Variants in CCDC25 observed in about 807,000 individuals in gnomAD.
CCDC25 encodes the protein coiled-coil domain containing 25.
CCDC25 carries 16 observed loss-of-function variants against 35.3 expected under a neutral mutation model. That is an observed-to-expected ratio of 0.45 (90% confidence interval 0.31 to 0.69). The LOEUF is 0.69. CCDC25 is among the 30% of genes least tolerant of loss of function. The pLI is 0.06. For synonymous variants in CCDC25, 79 were observed against 80.3 expected, an observed-to-expected ratio of 0.98 and a Z score of 0.09; for missense variants, 179 against 250.7, an observed-to-expected ratio of 0.71 and a Z score of 1.93.
chr8:27,762,452 T>C lies in CCDC25; in HGVS notation c.83A>G (p.Asp28Gly). ...YMGKDKYENE[D>G]LIKHGWPEDI... ...TTCAGGCCAGCCATGCTTGATCAGA[T>C]CTTCATCTGCAATGAGATATGAGAA... Residue 28 changes from aspartate to glycine, a missense_variant, in exon 3 of 9, where the codon GAT becomes GGT. By Grantham distance (94) the Asp-to-Gly change is moderately conservative (BLOSUM62 -1). Transcript: ENST00000356537. The C allele has an allele frequency of 6.2e-7, 1 of 1,613,420 alleles. No homozygotes were observed. The highest frequency in any genetic ancestry group is 1.1e-5 in the South Asian group (1 of 90,996).
At chr8:27,746,118 TTTGAA>T (rs748076905) in intron 7 of CCDC25, among the ~76,000 whole-genome samples, 1 of 152,222 alleles carries the variant, frequency 6.6e-6, no homozygotes, top group Non-Finnish European at 1.5e-5. Context: ...TGCAGCTTAA[TTTGAA>T]TTATGACATC....
intron 3 of CCDC25, among the ~76,000 whole-genome samples, chr8:27,757,365 G>A (rs567368643): frequency 8.9e-4 from 135 of 152,270 alleles, no homozygotes; most frequent in Non-Finnish European, 1.7e-3. Context: ...AGCAGAACAC[G>A]TCATTAAATG....
intron 5 of CCDC25, among the ~76,000 whole-genome samples, chr8:27,749,521 G>T (rs896555883): frequency 2.6e-5 from 4 of 152,176 alleles, no homozygotes. Context: ...TCCAGAGGAA[G>T]CATCAGACAA....
intron 2 of CCDC25, chr8:27,764,169 G>A (rs544575865): frequency 2.6e-5 from 4 of 153,140 alleles, no homozygotes; most frequent in African/African-American, 7.2e-5. Context: ...AGACAATGGG[G>A]TGATTTAGAG....
intron 3 of CCDC25, among the ~76,000 whole-genome samples, chr8:27,759,379 G>T (rs1585366775): frequency 6.6e-6 from 1 of 152,122 alleles, no homozygotes; most frequent in Admixed American, 6.5e-5. Flanking sequence ...GGCCGAGGTG[G>T]GTGGATCACT....
At position 27,772,629 on chromosome 8, in the gene CCDC25, G is replaced by T. The variant is rs537450700; in HGVS notation, c.-89C>A. On this transcript the variant is annotated 5_prime_UTR_variant, in exon 1 of 9. Transcript: ENST00000356537. ...ATACCAGACTCGCGGCGGCCGCCTGGCCCCCGGAACTCCTCCGTGCACTTC... is the reference window on the plus strand; with the variant it reads ...ATACCAGACTCGCGGCGGCCGCCTGTCCCCCGGAACTCCTCCGTGCACTTC... 29 of 1,363,112 alleles carry T rather than the reference G, an allele frequency of 2.1e-5. No individual in the cohort carries two copies. In the South Asian group the frequency reaches 3.3e-4, roughly 15 times the overall value. The allele number at this position is 1,363,112 out of a possible 1,614,324, so 84.4% of individuals were successfully genotyped here.
At chr8:27,772,373 G>A (rs1804658388) in intron 1 of CCDC25, 140 bp downstream of exon 1, 4 of 779,112 alleles carry the variant, frequency 5.1e-6, no homozygotes, top group Middle Eastern at 2.6e-4. Flanking sequence ...GGATGTGCTG[G>A]GGGACCGAGA....
At position 27,762,326 on chromosome 8, in the gene CCDC25, A is replaced by G. The variant is rs1354419638; in HGVS notation, c.116+93T>C. 53 of 1,104,458 alleles carry G rather than the reference A, an allele frequency of 4.8e-5. No individual in the cohort carries two copies. In the South Asian group the frequency reaches 5.5e-4, roughly 11 times the overall value. 68.4% of individuals were successfully genotyped at this position (1,104,458 alleles called of 1,614,324 possible). A position where few individuals can be genotyped will look rare whatever the true frequency, so the allele number is the denominator to read the frequency against. On this transcript the variant is annotated intron_variant, in intron 3 of 8. Coordinates refer to ENST00000356537, the MANE Select transcript of CCDC25 (RefSeq NM_018246.3). ...GTTTAACCCTGAAGACCCATAAACCACAGTACAAAGCATGATTCTAGTTTG... is the reference window on the plus strand; with the variant it reads ...GTTTAACCCTGAAGACCCATAAACCGCAGTACAAAGCATGATTCTAGTTTG...
At position 27,734,324 on chromosome 8, in the gene CCDC25, T is replaced by C. The variant is rs1450386557; in HGVS notation, c.*1892A>G. On this transcript the variant is annotated 3_prime_UTR_variant, in exon 9 of 9. Transcript: ENST00000356537. ...CAGAGTGTTGAAACTGAAGACGACA[T>C]TGGCAAAGTGACTCAGACCCACAGC... 3.9e-5 allele frequency: 6 copies of C among 152,134 alleles called. No homozygotes were observed. The highest frequency in any genetic ancestry group is 1.4e-4 in the African/African-American group (6 of 41,410). 9.4% of individuals were successfully genotyped at this position (152,134 alleles called of 1,614,324 possible).
chr8:27,769,342 T>C (rs1356979695), intron 1 of CCDC25, among the ~76,000 whole-genome samples: 1 of 152,244 alleles, frequency 6.6e-6, no homozygotes, highest in African/African-American at 2.4e-5. Flanking sequence ...GTGAAGCATT[T>C]TGCTCTATTA....
chr8:27,749,076 G>A (rs1803706546), intron 5 of CCDC25, among the ~76,000 whole-genome samples: 1 of 152,194 alleles, frequency 6.6e-6, no homozygotes, highest in South Asian at 2.1e-4. Flanking sequence ...TATGAAATGT[G>A]AGGAAATTGG....
At chr8:27,768,949 A>T (rs1804495646) in intron 1 of CCDC25, among the ~76,000 whole-genome samples, 1 of 152,228 alleles carries the variant, frequency 6.6e-6, no homozygotes, top group African/African-American at 2.4e-5. Flanking sequence ...CTTATGAGAC[A>T]GCATGAAAGA....
At chr8:27,760,804 G>A (rs1236349824) in intron 3 of CCDC25, among the ~76,000 whole-genome samples, 1 of 152,194 alleles carries the variant, frequency 6.6e-6, no homozygotes, top group African/African-American at 2.4e-5. Context: ...TGCTGGAATA[G>A]GGACCAGATT....
chr8:27,739,138 C>A (rs769059139), intron 8 of CCDC25, among the ~76,000 whole-genome samples: 1 of 151,998 alleles, frequency 6.6e-6, no homozygotes, highest in Non-Finnish European at 1.5e-5. Flanking sequence ...GATGTTTAAT[C>A]CCCCCCACCT....
rs1803204840 is a variant in CCDC25, at chr8:27,735,858, AC to A, written c.*357del. ...TTAAGAATATGAAAAGTGTTTCAAGACATCTGTTTTCAGGGATAGACCAGAG... is the reference window on the plus strand; with the variant it reads ...TTAAGAATATGAAAAGTGTTTCAAGAATCTGTTTTCAGGGATAGACCAGAG... On this transcript the variant is annotated 3_prime_UTR_variant, in exon 9 of 9. Transcript: ENST00000356537. 5.5e-6 allele frequency: 1 copy of A among 182,376 alleles called. No homozygotes were observed. Among genetic ancestry groups the A allele is most frequent in the Non-Finnish European group, 1.1e-5 (1 of 88,598 alleles). The allele number at this position is 182,376 out of a possible 1,614,324, so 11.3% of individuals were successfully genotyped here.
chr8:27,769,498 G>A (rs939733362), intron 1 of CCDC25, among the ~76,000 whole-genome samples: 8 of 152,176 alleles, frequency 5.3e-5, no homozygotes, highest in Admixed American at 3.9e-4. Flanking sequence ...TATCTATGTT[G>A]TTGAAGATTC....
chr8:27,755,248 G>A (rs1460227), intron 4 of CCDC25, among the ~76,000 whole-genome samples: 132,975 of 152,174 alleles, frequency 0.87, 58,251 homozygotes, highest in Non-Finnish European at 0.9. Context: ...CTGTAGTGCC[G>A]GAAAGCAAGG....
At chr8:27,753,841 G>A (rs1259506066) in intron 4 of CCDC25, among the ~76,000 whole-genome samples, 1 of 152,058 alleles carries the variant, frequency 6.6e-6, no homozygotes, top group Non-Finnish European at 1.5e-5. Context: ...TCACCATATA[G>A]TCCTCAAAAA....
At position 27,756,763 on chromosome 8, in the gene CCDC25, C is replaced by A; in HGVS notation, c.124G>T (p.Val42Leu). The A allele has an allele frequency of 6.2e-7, 1 of 1,611,930 alleles. No homozygotes were observed. Among genetic ancestry groups the A allele is most frequent in the South Asian group, 1.1e-5 (1 of 91,024 alleles). Residue 42 changes from valine (V) to leucine (L), a missense_variant, in exon 4 of 9, where the codon GTG becomes TTG. Coordinates refer to ENST00000356537, the MANE Select transcript of CCDC25 (RefSeq NM_018246.3). ...ACATGAGCCGAAGAGAGTTTGTCCA[C>A]ATGAAACCTACAAAGAATGAAAACC... is the stretch of plus-strand genomic sequence containing the variant. The part of the protein sequence containing the change: ...HGWPEDIWFH[V>L]DKLSSAHVYL...
Sources: allele counts gnomAD v4.1 joint callset (sites outside exome capture counted in the v4.1 genomes callset), GRCh38; gene constraint gnomAD v4.1.1; transcripts MANE v1.5; gene names NCBI Gene and HGNC (gene_info 2026-07-23, HGNC 2026-07-21).